The following TTC28 variants were observed in gnomAD, a reference collection of about 807,000 sequenced individuals.
TTC28 encodes tetratricopeptide repeat protein 28.
Under a neutral mutation model 198.0 loss-of-function variants are expected in TTC28, and 61 were observed. The ratio of observed to expected loss-of-function variants is 0.31; its 90% confidence interval spans 0.25 to 0.38. TTC28 has a LOEUF of 0.38. Among genes scored for constraint, TTC28 ranks in the 10% least tolerant of loss-of-function variants. TTC28 has a pLI of 1.00. For synonymous variants in TTC28, 1,171 were observed against 1,297.8 expected (o/e 0.90, Z 2.10); for missense variants, 2,678 against 3,164.0 (o/e 0.85, Z 3.69).
intron 2 of TTC28, among the ~76,000 whole-genome samples, chr22:28,617,241 C>T (rs1002037681): frequency 2.6e-5 from 4 of 151,734 alleles, no homozygotes; most frequent in Non-Finnish European, 5.9e-5. Flanking sequence ...TGGCTCACGC[C>T]TGTAATCCCA....
intron 1 of TTC28, among the ~76,000 whole-genome samples, chr22:28,676,557 TA>T (rs1241959984): frequency 7.9e-5 from 12 of 152,142 alleles, no homozygotes; most frequent in Non-Finnish European, 1.6e-4. Context: ...AAAGACACTT[TA>T]AAAAGACATA....
At chr22:28,330,735 C>T (rs149359762) in intron 2 of TTC28, among the ~76,000 whole-genome samples, 17 of 151,802 alleles carry the variant, frequency 1.1e-4, no homozygotes, top group African/African-American at 4.1e-4. Context: ...GTTTTCAGTG[C>T]AAAGAGGGTA....
chr22:28,567,194 G>A (rs1169392891), intron 2 of TTC28, among the ~76,000 whole-genome samples: 1 of 140,650 alleles, frequency 7.1e-6, no homozygotes. Context: ...TGGCTTGGGC[G>A]ACAAGAGCAA....
intron 5 of TTC28, among the ~76,000 whole-genome samples, chr22:28,191,665 C>A (rs1924771587): frequency 6.6e-6 from 1 of 152,224 alleles, no homozygotes; most frequent in African/African-American, 2.4e-5. Context: ...CTCAGAGGGT[C>A]CTATGCCCAC....
intron 6 of TTC28, among the ~76,000 whole-genome samples, chr22:28,145,896 T>C (rs34364992): frequency 0.053 from 8,035 of 152,280 alleles, 269 homozygotes; most frequent in African/African-American, 0.064. Context: ...AGCCACCTCA[T>C]GAGATGGGTG....
rs1939033217 is a variant in TTC28, at chr22:28,030,510, C to T, written c.3933-144G>A. 8 of 995,350 alleles carry T rather than the reference C, an allele frequency of 8.0e-6. No homozygotes were observed. In the South Asian group the frequency reaches 1.0e-4, roughly 13 times the overall value. 61.7% of individuals were successfully genotyped at this position (995,350 alleles called of 1,614,324 possible). ...GATGACAGCATCACCCCACTCCCTC[C>T]TCAGTGTCCCTGAGGCCCTCTTCCT... On this transcript the variant is annotated intron_variant, in intron 12 of 22. Transcript: ENST00000397906.
At chr22:28,367,182 G>A (rs953468945) in intron 2 of TTC28, among the ~76,000 whole-genome samples, 1 of 151,910 alleles carries the variant, frequency 6.6e-6, no homozygotes, top group African/African-American at 2.4e-5. Context: ...TAGACCATAT[G>A]TTAGGTCAAA....
At chr22:28,525,752 C>G (rs1325347503) in intron 2 of TTC28, among the ~76,000 whole-genome samples, 4 of 152,118 alleles carry the variant, frequency 2.6e-5, no homozygotes, top group East Asian at 1.9e-4. Context: ...CCTATGGGAA[C>G]ATGAAAAAAG....
intron 5 of TTC28, among the ~76,000 whole-genome samples, chr22:28,184,235 T>C (rs1054627685): frequency 6.6e-6 from 1 of 152,208 alleles, no homozygotes; most frequent in Non-Finnish European, 1.5e-5. Flanking sequence ...TTATTACAGA[T>C]AGTAAATACC....
chr22:28,404,904 G>A (rs1050302234), intron 2 of TTC28, among the ~76,000 whole-genome samples: 3 of 152,066 alleles, frequency 2.0e-5, no homozygotes, highest in African/African-American at 7.2e-5. Flanking sequence ...ATGGCAGCAG[G>A]GCTTGATTAT....
At position 28,107,605 on chromosome 22, in the gene TTC28, A is replaced by G. The variant is rs1436010075; in HGVS notation, c.2240T>C (p.Val747Ala). 2 of 1,551,716 alleles carry G rather than the reference A, an allele frequency of 1.3e-6. No individual in the cohort carries two copies. The highest frequency in any genetic ancestry group is 2.4e-5 in the South Asian group (2 of 84,046). ...YEQQLGLAHQ[V>A]KDRRLEASAY... ...ACTGGCTTCTAATCTTCTGTCCTTT[A>G]CCTGGTGAGCTAAGCCCAGTTGCTG... Residue 747 changes from valine (V) to alanine (A), a missense_variant, in exon 7 of 23, where the codon GTA (valine) becomes GCA (alanine). This residue lies in a region of TTC28 where 775 missense variants were observed against 845.9 expected (regional missense o/e 0.92). Coordinates refer to ENST00000397906, the MANE Select transcript of TTC28 (RefSeq NM_001145418.2).
chr22:28,386,833 T>C, intron 2 of TTC28, among the ~76,000 whole-genome samples: 1 of 152,136 alleles, frequency 6.6e-6, no homozygotes, highest in East Asian at 1.9e-4. Context: ...TTTTTTTGTT[T>C]TGTTTTGTTT....
At chr22:28,248,687 A>G (rs1930290984) in intron 5 of TTC28, among the ~76,000 whole-genome samples, 1 of 152,158 alleles carries the variant, frequency 6.6e-6, no homozygotes, top group South Asian at 2.1e-4. Context: ...CCTGCCCAAA[A>G]TATCTTGTAA....
At chr22:28,444,286 G>C (rs2146237278) in intron 2 of TTC28, among the ~76,000 whole-genome samples, 1 of 152,260 alleles carries the variant, frequency 6.6e-6, no homozygotes, top group East Asian at 1.9e-4. Context: ...ATGTACCAAT[G>C]TTCCAACAAT....
chr22:28,494,566 T>C (rs893912989), intron 2 of TTC28, among the ~76,000 whole-genome samples: 1 of 152,198 alleles, frequency 6.6e-6, no homozygotes, highest in Non-Finnish European at 1.5e-5. Flanking sequence ...AATGAATTAT[T>C]TGCCTTGCTT....
In TTC28 at chr22:28,205,728, T is replaced by C. The variant is rs116296685; in HGVS notation, c.934-42129A>G. Among the ~76,000 whole-genome samples the C allele has an allele frequency of 8.9e-3, 1,350 of 152,174 alleles. 19 individuals carry two copies. The highest frequency in any genetic ancestry group is 0.031 in the African/African-American group (1,278 of 41,542). On this transcript the variant is annotated intron_variant, in intron 5 of 22. Transcript: ENST00000397906. ...TGAAATGAAGGTATGATTTCTCAGA[T>C]AGGGGAAGGAGCCCACATAAACACA...
chr22:28,205,622 A>T (rs1926338492), intron 5 of TTC28, among the ~76,000 whole-genome samples: 1 of 152,166 alleles, frequency 6.6e-6, no homozygotes, highest in Non-Finnish European at 1.5e-5. Flanking sequence ...ATTTTCAATG[A>T]TGATGTCAAA....
chr22:28,328,443 T>TA (rs978447948), intron 2 of TTC28, among the ~76,000 whole-genome samples: 34 of 151,460 alleles, frequency 2.2e-4, no homozygotes, highest in Middle Eastern at 3.4e-3. Flanking sequence ...CCTGTTTCTT[T>TA]AAAAAAATAT....
intron 2 of TTC28, among the ~76,000 whole-genome samples, chr22:28,512,106 A>T (rs192435189): frequency 1.9e-4 from 29 of 152,092 alleles, no homozygotes; most frequent in African/African-American, 6.7e-4. Flanking sequence ...AAAAAAAAAC[A>T]AACAAACCCA....
Sources: allele counts gnomAD v4.1 joint callset (sites outside exome capture counted in the v4.1 genomes callset), GRCh38; gene constraint gnomAD v4.1.1; regional missense constraint gnomAD v4.1.1; transcripts MANE v1.5; gene names NCBI Gene and HGNC (gene_info 2026-07-23, HGNC 2026-07-21).